The following CFAP299 variants were observed in gnomAD, a reference collection of about 807,000 sequenced individuals.
CFAP299 encodes the protein cilia- and flagella-associated protein 299.
In CFAP299, 21 loss-of-function variants were observed where a neutral mutation model predicts 27.0. The ratio of observed to expected loss-of-function variants is 0.78; its 90% confidence interval spans 0.55 to 1.12. The LOEUF (loss-of-function observed/expected upper bound fraction) is 1.12, where lower values mean the gene tolerates loss of function less well. CFAP299 is among the 50% of genes most tolerant of loss of function. The pLI is 0.00. For missense variants in CFAP299, 310 were observed against 276.6 expected (o/e 1.12, Z -0.86); for synonymous variants, 104 against 98.1 (o/e 1.06, Z -0.36).
intron 3 of CFAP299, among the ~76,000 whole-genome samples, chr4:80,720,216 G>C (rs374949196): frequency 4.6e-5 from 7 of 152,162 alleles, no homozygotes; most frequent in African/African-American, 1.7e-4. Context: ...ACTGAGCTGA[G>C]TATCAGTGAT....
At chr4:80,789,551 A>G (rs928960399) in intron 3 of CFAP299, among the ~76,000 whole-genome samples, 1 of 152,104 alleles carries the variant, frequency 6.6e-6, no homozygotes, top group Admixed American at 6.6e-5. Context: ...ATTTATATAG[A>G]TAAGTGTTCA....
chr4:80,939,796 A>C (rs945383479), intron 4 of CFAP299, among the ~76,000 whole-genome samples: 5 of 152,110 alleles, frequency 3.3e-5, no homozygotes. Context: ...AGACCTTCAC[A>C]AGTCAGCTTA....
At chr4:80,959,515 A>G (rs1319336221) in intron 5 of CFAP299, among the ~76,000 whole-genome samples, 1 of 152,122 alleles carries the variant, frequency 6.6e-6, no homozygotes, top group African/African-American at 2.4e-5. Flanking sequence ...GCAATGAAAA[A>G]AAAATTTAGG....
At chr4:80,725,235 C>G (rs1439201698) in intron 3 of CFAP299, among the ~76,000 whole-genome samples, 3 of 148,798 alleles carry the variant, frequency 2.0e-5, no homozygotes, top group African/African-American at 7.4e-5. Flanking sequence ...GGATTACAGA[C>G]AAGAGCCACC....
chr4:80,485,367 C>T (rs532472574), intron 2 of CFAP299, among the ~76,000 whole-genome samples: 147 of 151,778 alleles, frequency 9.7e-4, no homozygotes, highest in African/African-American at 3.4e-3. Flanking sequence ...TCCAATTTCT[C>T]TAAGTCAATG....
chr4:80,591,751 C>A (rs562033253), intron 3 of CFAP299, among the ~76,000 whole-genome samples: 41 of 152,292 alleles, frequency 2.7e-4, no homozygotes, highest in African/African-American at 9.4e-4. Flanking sequence ...GTATCTGTCC[C>A]TTTGTTTGGA....
At chr4:80,702,121 A>G (rs1721529633) in intron 3 of CFAP299, among the ~76,000 whole-genome samples, 1 of 151,878 alleles carries the variant, frequency 6.6e-6, no homozygotes, top group African/African-American at 2.4e-5. Flanking sequence ...ATGCATAAAT[A>G]TATTTATTTT....
intron 5 of CFAP299, among the ~76,000 whole-genome samples, chr4:80,952,793 G>A (rs948184634): frequency 6.6e-6 from 1 of 151,748 alleles, no homozygotes. Flanking sequence ...CAACCCCCAC[G>A]CAAGCACTTG....
intron 3 of CFAP299, among the ~76,000 whole-genome samples, chr4:80,596,734 C>T (rs1166816866): frequency 1.3e-5 from 2 of 152,052 alleles, no homozygotes; most frequent in African/African-American, 2.4e-5. Context: ...ATAAGCCTTA[C>T]GTATGTCCAT....
At chr4:80,562,992 G>T (rs1449708694) in intron 2 of CFAP299, among the ~76,000 whole-genome samples, 1 of 151,908 alleles carries the variant, frequency 6.6e-6, no homozygotes, top group Non-Finnish European at 1.5e-5. Flanking sequence ...TCAGCAAGAG[G>T]TTTCAACAAT....
chr4:80,886,919 A>T (rs1733999114), intron 4 of CFAP299, among the ~76,000 whole-genome samples: 1 of 152,142 alleles, frequency 6.6e-6, no homozygotes, highest in Admixed American at 6.5e-5. Flanking sequence ...TCTAGAGTTT[A>T]AAAATGCAAC....
At chr4:80,895,014 G>A (rs1734544787) in intron 4 of CFAP299, among the ~76,000 whole-genome samples, 1 of 151,914 alleles carries the variant, frequency 6.6e-6, no homozygotes, top group Non-Finnish European at 1.5e-5. Flanking sequence ...GAGTTCAGGG[G>A]CAATGGAAAT....
chr4:80,498,316 C>T (rs1731561694), intron 2 of CFAP299, among the ~76,000 whole-genome samples: 1 of 152,124 alleles, frequency 6.6e-6, no homozygotes, highest in Admixed American at 6.6e-5. Flanking sequence ...AGACAACCTG[C>T]AGGAGGTAAG....
chr4:80,912,414 C>A (rs2110204404), intron 4 of CFAP299, among the ~76,000 whole-genome samples: 1 of 152,226 alleles, frequency 6.6e-6, no homozygotes, highest in East Asian at 1.9e-4. Flanking sequence ...TAAGAGAGAC[C>A]TTGGAGAACA....
chr4:80,341,486 G>T (rs1226542236), intron 1 of CFAP299, among the ~76,000 whole-genome samples: 1 of 152,184 alleles, frequency 6.6e-6, no homozygotes, highest in African/African-American at 2.4e-5. Context: ...GAAGGAGAAG[G>T]CTGCCATCTT....
chr4:80,926,621 G>T (rs530968007), intron 4 of CFAP299, among the ~76,000 whole-genome samples: 92 of 152,070 alleles, frequency 6.0e-4, no homozygotes, highest in African/African-American at 2.2e-3. Flanking sequence ...GATTCCTGGG[G>T]AAGATGGCAG....
intron 3 of CFAP299, among the ~76,000 whole-genome samples, chr4:80,753,039 A>G (rs893013304): frequency 6.6e-5 from 10 of 152,096 alleles, no homozygotes; most frequent in African/African-American, 2.4e-4. Context: ...TATTAAAAAA[A>G]AACTATTAAT....
intron 3 of CFAP299, among the ~76,000 whole-genome samples, chr4:80,602,025 G>A (rs977896292): frequency 2.0e-4 from 30 of 152,260 alleles, no homozygotes; most frequent in African/African-American, 6.5e-4. Context: ...ACACATGGAT[G>A]CTTAGAGGGG....
intron 3 of CFAP299, among the ~76,000 whole-genome samples, chr4:80,806,743 A>C (rs1447829216): frequency 6.6e-6 from 1 of 152,228 alleles, no homozygotes; most frequent in East Asian, 1.9e-4. Context: ...TTGCTGGTGA[A>C]AGTGGCAGCC....
Sources: allele counts gnomAD v4.1 joint callset (sites outside exome capture counted in the v4.1 genomes callset), GRCh38; gene constraint gnomAD v4.1.1; transcripts MANE v1.5; gene names NCBI Gene and HGNC (gene_info 2026-07-23, HGNC 2026-07-21).